The following RICTOR variants were observed in gnomAD, a reference collection of about 807,000 sequenced individuals.
RICTOR encodes rapamycin-insensitive companion of mTOR.
A neutral mutation model predicts 214.9 loss-of-function variants in RICTOR; 49 were observed. The ratio of observed to expected loss-of-function variants is 0.23; its 90% CI spans 0.18 to 0.29. RICTOR has a LOEUF of 0.29. Among genes scored for constraint, RICTOR ranks in the 10% least tolerant of loss-of-function variants. The pLI is 1.00. For missense variants in RICTOR, 1,625 were observed against 2,047.0 expected (o/e 0.79, Z 3.98); for synonymous variants, 717 against 711.3 (o/e 1.01, Z -0.13).
At chr5:39,030,609 T>C (rs903017622) in intron 2 of RICTOR, among the ~76,000 whole-genome samples, 2 of 152,172 alleles carry the variant, frequency 1.3e-5, no homozygotes, top group Non-Finnish European at 2.9e-5. Context: ...TGAACAGTTA[T>C]ATAACATGAA....
At chr5:39,048,268 T>C (rs1004462903) in intron 2 of RICTOR, among the ~76,000 whole-genome samples, 9 of 152,166 alleles carry the variant, frequency 5.9e-5, no homozygotes, top group Admixed American at 5.2e-4. Flanking sequence ...AAAGTTAACC[T>C]AGCAGGCCTA....
At chr5:39,043,381 G>C (rs1304827286) in intron 2 of RICTOR, among the ~76,000 whole-genome samples, 1 of 152,002 alleles carries the variant, frequency 6.6e-6, no homozygotes, top group Non-Finnish European at 1.5e-5. Flanking sequence ...AAATAAACCA[G>C]GCACAGAAAG....
intron 2 of RICTOR, among the ~76,000 whole-genome samples, chr5:39,068,374 C>A (rs956213791): frequency 4.6e-5 from 7 of 152,132 alleles, no homozygotes; most frequent in Non-Finnish European, 8.8e-5. Flanking sequence ...CTCCCCAATC[C>A]TCTCTGAGAA....
intron 31 of RICTOR, among the ~76,000 whole-genome samples, chr5:38,948,050 T>G (rs1748390759): frequency 6.6e-6 from 1 of 152,094 alleles, no homozygotes; most frequent in Non-Finnish European, 1.5e-5. Flanking sequence ...TCCTTACTAC[T>G]AGAGATTCCA....
At position 38,947,353 on chromosome 5, in the gene RICTOR, C is replaced by G. The variant is rs751327013; in HGVS notation, c.4225G>C (p.Val1409Leu). Residue 1409 changes from valine (V) to leucine (L), a missense_variant, in exon 32 of 38, where the codon GTG (valine) becomes CTG (leucine). Val to Leu is a conservative substitution (Grantham distance 32, BLOSUM62 1). Transcript: ENST00000357387. ...NQNTLQRSSS[V>L]RSMVSSATYG... The stretch of plus-strand genomic sequence containing the variant: ...GTGGCACTGGACACCATGGACCGCA[C>G]TGAGGAAGATCGTTGCAGGGTATTT... 8.7e-6 allele frequency: 14 copies of G among 1,612,284 alleles called. No individual in the cohort carries two copies. The highest frequency in any genetic ancestry group is 1.6e-4 in the Middle Eastern group (1 of 6,062).
At chr5:39,058,877 AT>A in intron 2 of RICTOR, among the ~76,000 whole-genome samples, 1 of 152,232 alleles carries the variant, frequency 6.6e-6, no homozygotes, top group Non-Finnish European at 1.5e-5. Flanking sequence ...TTTATAAATA[AT>A]TTGATTATTT....
At position 38,964,811 on chromosome 5, in the gene RICTOR, T is replaced by C. The variant is rs1486082998; in HGVS notation, c.1381A>G (p.Ile461Val). The C allele has an allele frequency of 2.5e-6, 4 of 1,588,196 alleles. No individual in the cohort carries two copies. In the East Asian group the frequency reaches 6.8e-5, roughly 27 times the overall value. ...ACTTACAGTCTCTTTTCCTTGGGGA[T>C]ATCAAAGGATGCAGCCATATTCATT... The part of the protein sequence containing the change: ...TLMNMAASFD[I>V]PKEKRLRASA... The change falls in exon 16 of 38, where the codon ATC becomes GTC. Residue 461 changes from isoleucine (I) to valine (V), a missense_variant. Transcript: ENST00000357387.
intron 21 of RICTOR, 110 bp downstream of exon 21, chr5:38,959,669 A>G: frequency 1.5e-6 from 1 of 684,028 alleles, no homozygotes. Flanking sequence ...ATGCTAATTT[A>G]AAATAAAACT....
At chr5:39,004,243 C>T (rs1017359032) in intron 3 of RICTOR, among the ~76,000 whole-genome samples, 1 of 151,988 alleles carries the variant, frequency 6.6e-6, no homozygotes, top group African/African-American at 2.4e-5. Flanking sequence ...TAATTTTAGA[C>T]CAGGTTGCTG....
In RICTOR at chr5:39,067,544, T is replaced by C. The variant is rs79822530; in HGVS notation, c.97+6567A>G. Among the ~76,000 whole-genome samples, 857 of 152,326 alleles carry C rather than the reference T, an allele frequency of 5.6e-3. 8 individuals carry two copies. Among genetic ancestry groups the C allele is most frequent in the African/African-American group, 0.02 (820 of 41,560 alleles). On this transcript the variant is annotated intron_variant, in intron 2 of 37. Coordinates refer to ENST00000357387, the MANE Select transcript of RICTOR (RefSeq NM_152756.5). Reference sequence around the variant, plus strand: ...CCTTTCTTCTTATTGATTCCTACCCTATGATATACACCCTCATCATCTTAT... The same window carrying C: ...CCTTTCTTCTTATTGATTCCTACCCCATGATATACACCCTCATCATCTTAT...
At chr5:39,063,605 C>T (rs1296453801) in intron 2 of RICTOR, among the ~76,000 whole-genome samples, 1 of 152,082 alleles carries the variant, frequency 6.6e-6, no homozygotes, top group Non-Finnish European at 1.5e-5. Context: ...TTTAGAGTCC[C>T]TTACAAAGAT....
chr5:38,962,782 G>T, intron 17 of RICTOR, 94 bp downstream of exon 17: 1 of 1,038,962 alleles, frequency 9.6e-7, no homozygotes, highest in Non-Finnish European at 1.5e-6. Flanking sequence ...TGCATGAAGA[G>T]AAGTGTAAAC....
At position 38,990,763 on chromosome 5, in the gene RICTOR, G is replaced by C. The variant is rs796627932; in HGVS notation, c.583+186C>G. Among the ~76,000 whole-genome samples the C allele has an allele frequency of 3.0e-3, 144 of 48,434 alleles. 6 individuals are homozygous for C. The highest frequency in any genetic ancestry group is 7.6e-3 in the East Asian group (10 of 1,312). The allele number at this position is 48,434 out of a possible 152,430, so 31.8% of individuals were successfully genotyped here. ...TATATATGAGATATATGATATATAT[G>C]AGATATATGATATATATGAGATATA... On this transcript the variant is annotated intron_variant, in intron 7 of 37. Transcript: ENST00000357387.
chr5:38,967,503 TA>T, intron 12 of RICTOR, 76 bp from the exon 13 acceptor site: 1 of 1,089,328 alleles, frequency 9.2e-7, no homozygotes, highest in South Asian at 1.4e-5. Flanking sequence ...AACCATCAGC[TA>T]GCCAGGCTAT....
At chr5:39,039,555 G>T (rs1400580070) in intron 2 of RICTOR, among the ~76,000 whole-genome samples, 1 of 152,110 alleles carries the variant, frequency 6.6e-6, no homozygotes, top group Non-Finnish European at 1.5e-5. Context: ...GAAAATTTTT[G>T]CAACCTACTC....
intron 35 of RICTOR, 115 bp from the exon 36 acceptor site, chr5:38,944,684 T>A: frequency 1.0e-6 from 1 of 991,500 alleles, no homozygotes; most frequent in Non-Finnish European, 1.5e-6. Context: ...TTACACATGA[T>A]CTACCAATCA....
intron 37 of RICTOR, 57 bp downstream of exon 37, chr5:38,942,776 A>C (rs777597835): frequency 3.6e-6 from 5 of 1,397,248 alleles, no homozygotes; most frequent in Non-Finnish European, 5.1e-6. Context: ...TTTTAATTCA[A>C]TTCAAACACA....
chr5:38,967,350 G>T lies in RICTOR; in HGVS notation c.1138C>A (p.Arg380Ser). The change falls in exon 13 of 38, where the codon CGT becomes AGT. Residue 380 changes from arginine to serine, a missense_variant. Physicochemically the swap from Arg to Ser is moderately radical, Grantham distance 110 (BLOSUM62 -1). Transcript: ENST00000357387. ...AAEAKTILPH[R>S]ARSRPDLMDN... is the part of the protein sequence containing the mutation. ...TTTAAATTCTACCTGGATCTGGCAC[G>T]ATGAGGAAGAATAGTTTTTGCCTCA... is the stretch of plus-strand genomic sequence containing the variant. 6.2e-7 allele frequency: 1 copy of T among 1,613,320 alleles called. No individual in the cohort carries two copies. Among genetic ancestry groups the T allele is most frequent in the Non-Finnish European group, 8.5e-7 (1 of 1,179,486 alleles).
At chr5:39,033,843 A>G (rs1756453526) in intron 2 of RICTOR, among the ~76,000 whole-genome samples, 1 of 152,202 alleles carries the variant, frequency 6.6e-6, no homozygotes, top group Admixed American at 6.5e-5. Flanking sequence ...AGGTTGAAAA[A>G]CAAACAAATA....
Sources: allele counts gnomAD v4.1 joint callset (sites outside exome capture counted in the v4.1 genomes callset), GRCh38; gene constraint gnomAD v4.1.1; transcripts MANE v1.5; gene names NCBI Gene and HGNC (gene_info 2026-07-23, HGNC 2026-07-21).